The following RBMS3 variants were observed in gnomAD, a reference collection of about 807,000 sequenced individuals.
RBMS3 encodes the protein RNA-binding motif, single-stranded-interacting protein 3.
Under a neutral mutation model 66.8 loss-of-function variants are expected in RBMS3, and 27 were observed. The ratio of observed to expected loss-of-function variants is 0.40; its 90% CI spans 0.30 to 0.56. RBMS3 has a LOEUF of 0.56. Among genes scored for constraint, RBMS3 ranks in the 20% least tolerant of loss-of-function variants. RBMS3 has a pLI of 0.40. For missense variants in RBMS3, 513 were observed against 549.5 expected, an observed-to-expected ratio of 0.93 and a Z score of 0.66; for synonymous variants, 188 against 183.0, an observed-to-expected ratio of 1.03 and a Z score of -0.22.
chr3:29,431,520 C>T (rs1017683956), intron 1 of RBMS3, among the ~76,000 whole-genome samples: 4 of 151,444 alleles, frequency 2.6e-5, no homozygotes, highest in East Asian at 1.9e-4. Context: ...CTTGATCTCC[C>T]GACCTTGTGA....
intron 1 of RBMS3, among the ~76,000 whole-genome samples, chr3:29,417,315 C>G (rs946779268): frequency 5.3e-5 from 8 of 151,888 alleles, no homozygotes; most frequent in Non-Finnish European, 8.8e-5. Context: ...TAAGGCACAA[C>G]AAGACCTGAG....
At position 29,851,552 on chromosome 3, in the gene RBMS3, G is replaced by A. The variant is rs147516080; in HGVS notation, c.638-17306G>A. Reference sequence around the variant, plus strand: ...GTGGAATAAAAGTGAACACATTAAAGCATCTACCACAATATCAAACATGAA... The same window carrying A: ...GTGGAATAAAAGTGAACACATTAAAACATCTACCACAATATCAAACATGAA... On this transcript the variant is annotated intron_variant, in intron 6 of 14. Transcript: ENST00000383767. 3.7e-3 allele frequency among the ~76,000 whole-genome samples: 566 copies of A among 152,264 alleles called. 1 individual carries two copies. Among genetic ancestry groups the A allele is most frequent in the South Asian group, 0.01 (50 of 4,828 alleles).
chr3:29,926,064 GTAACTTGTTTGGATGC>G (rs1307522296), intron 10 of RBMS3, among the ~76,000 whole-genome samples: 1 of 152,106 alleles, frequency 6.6e-6, no homozygotes, highest in Non-Finnish European at 1.5e-5. Context: ...GCCTCAGAAT[GTAACTTGTTTGGATGC>G]TAATATATAA....
At chr3:29,885,157 T>C (rs1371159500) in intron 8 of RBMS3, among the ~76,000 whole-genome samples, 1 of 151,870 alleles carries the variant, frequency 6.6e-6, no homozygotes, top group East Asian at 1.9e-4. Flanking sequence ...CAATGCTATG[T>C]TCTATAGATT....
At chr3:29,514,648 C>CATATATATATATAT (rs1491498729) in intron 3 of RBMS3, among the ~76,000 whole-genome samples, 5 of 47,934 alleles carry the variant, frequency 1.0e-4, no homozygotes, top group Middle Eastern at 0.013. Flanking sequence ...GTGTGATAGG[C>CATATATATATATAT]ACATATATAT....
rs144791348 is a variant in RBMS3 at position 29,452,032 on chromosome 3, C to G, written c.248+17117C>G. On this transcript the variant is annotated intron_variant, in intron 2 of 14. Transcript: ENST00000383767. ...GAACAAACACAAATTAGGCCATGGA[C>G]TTTCAGAGCAGTTGTTTTCTGGATC... Among the ~76,000 whole-genome samples the G allele has an allele frequency of 6.6e-5, 10 of 152,266 alleles. No homozygotes were observed. The East Asian group carries it at 1.9e-3, about 29-fold the overall frequency.
rs72853323 is a variant in RBMS3 at position 29,434,697 on chromosome 3, A to G, written c.76-46A>G. On this transcript the variant is annotated intron_variant, in intron 1 of 14. Coordinates refer to ENST00000383767, the MANE Select transcript of RBMS3 (RefSeq NM_001003793.3). Reference sequence around the variant, plus strand: ...CAAGTTGTGCTGCTGGCCTGTGAATAGGTGCTGGCTTTTGTTTTTCCAGTA... The same window carrying G: ...CAAGTTGTGCTGCTGGCCTGTGAATGGGTGCTGGCTTTTGTTTTTCCAGTA... 3.7e-3 allele frequency: 5,842 copies of G among 1,580,324 alleles called. 198 individuals carry two copies. The African/African-American group carries it at 0.07, about 19-fold the overall frequency.
intron 8 of RBMS3, among the ~76,000 whole-genome samples, chr3:29,886,164 T>G (rs76022219): frequency 0.01 from 1,571 of 151,990 alleles, 24 homozygotes; most frequent in African/African-American, 0.036. Context: ...AGTAGTAATT[T>G]CAAAATATCA....
At chr3:29,472,556 G>A (rs72853388) in intron 2 of RBMS3, among the ~76,000 whole-genome samples, 1,741 of 151,794 alleles carry the variant, frequency 0.011, 29 homozygotes, top group African/African-American at 0.04. Context: ...AAGGCGGCGC[G>A]TACCTTCTGA....
chr3:29,738,236 TA>T (rs1012535958), intron 4 of RBMS3, among the ~76,000 whole-genome samples: 2 of 152,196 alleles, frequency 1.3e-5, no homozygotes, highest in African/African-American at 4.8e-5. Flanking sequence ...AATAATATGA[TA>T]TCTTTTCACA....
At chr3:29,515,124 A>C (rs988216067) in intron 3 of RBMS3, among the ~76,000 whole-genome samples, 1 of 152,222 alleles carries the variant, frequency 6.6e-6, no homozygotes, top group African/African-American at 2.4e-5. Context: ...GGAAGTGGTC[A>C]AATCGACCTT....
chr3:29,382,835 A>C (rs1162091470), intron 1 of RBMS3, among the ~76,000 whole-genome samples: 1 of 150,768 alleles, frequency 6.6e-6, no homozygotes, highest in Non-Finnish European at 1.5e-5. Flanking sequence ...TGGATTTGTT[A>C]TTTTTTCTCC....
At chr3:29,994,620 C>A (rs1383365184) in intron 14 of RBMS3, among the ~76,000 whole-genome samples, 1 of 152,216 alleles carries the variant, frequency 6.6e-6, no homozygotes, top group Non-Finnish European at 1.5e-5. Context: ...GGGTCCCTGA[C>A]CCCCGAGCAG....
chr3:29,579,874 C>T (rs542045910), intron 3 of RBMS3, among the ~76,000 whole-genome samples: 15 of 152,062 alleles, frequency 9.9e-5, no homozygotes, highest in East Asian at 1.9e-4. Context: ...TCTTTAATCT[C>T]GATAAAGCAT....
intron 6 of RBMS3, among the ~76,000 whole-genome samples, chr3:29,833,154 G>A (rs1457420417): frequency 6.6e-6 from 1 of 152,206 alleles, no homozygotes; most frequent in East Asian, 1.9e-4. Flanking sequence ...GAATCTAAGA[G>A]AGCTCAGAAT....
chr3:29,639,240 A>G (rs2049591302), intron 4 of RBMS3, among the ~76,000 whole-genome samples: 1 of 151,692 alleles, frequency 6.6e-6, no homozygotes, highest in African/African-American at 2.4e-5. Flanking sequence ...TTTTACAAAA[A>G]GTTAGAAATG....
intron 4 of RBMS3, among the ~76,000 whole-genome samples, chr3:29,641,470 TA>T (rs1376883102): frequency 6.6e-6 from 1 of 152,066 alleles, no homozygotes; most frequent in Non-Finnish European, 1.5e-5. Flanking sequence ...TGGTATATCT[TA>T]AATGTATATT....
chr3:29,350,646 C>T (rs2036855896), intron 1 of RBMS3, among the ~76,000 whole-genome samples: 1 of 152,034 alleles, frequency 6.6e-6, no homozygotes, highest in Non-Finnish European at 1.5e-5. Flanking sequence ...AAGTGTCTGT[C>T]TTGAGTGAGC....
At chr3:29,909,833 TTATTTTAC>T (rs2060473409) in intron 10 of RBMS3, among the ~76,000 whole-genome samples, 1 of 152,100 alleles carries the variant, frequency 6.6e-6, no homozygotes, top group Admixed American at 6.6e-5. Context: ...TGGTTTTCTG[TTATTTTAC>T]TAACAACCTT....
Sources: gnomAD v4.1 joint callset for allele counts (sites outside exome capture counted in the v4.1 genomes callset) on GRCh38, gnomAD v4.1.1 for gene constraint, MANE v1.5 for transcripts, NCBI Gene and HGNC (gene_info 2026-07-23, HGNC 2026-07-21) for gene names.